The following COG4 variants were observed in gnomAD, a reference collection of about 807,000 sequenced individuals.
The protein encoded by COG4 is conserved oligomeric Golgi complex subunit 4.
In COG4, 65 loss-of-function variants were observed where a neutral mutation model predicts 95.1. The ratio of observed to expected loss-of-function variants is 0.68; its 90% CI spans 0.56 to 0.84. COG4 has a LOEUF of 0.84. Among genes scored for constraint, COG4 ranks in the 40% least tolerant of loss-of-function variants. COG4 has a pLI of 0.00. For missense variants in COG4, 1,045 were observed against 989.1 expected (o/e 1.06, Z -0.76); for synonymous variants, 421 against 374.8 (o/e 1.12, Z -1.42).
In COG4 at chr16:70,519,672, C is replaced by A; in HGVS notation, c.231G>T (p.Lys77Asn). 6.2e-7 allele frequency: 1 copy of A among 1,613,696 alleles called. No individual in the cohort carries two copies. The highest frequency in any genetic ancestry group is 2.2e-5 in the East Asian group (1 of 44,884). ...LLEQQNTIES[K>N]MVTLHRMGPN... is the part of the protein sequence containing the mutation. Reference sequence around the variant, plus strand: ...ACCCCATTCGGTGGAGAGTGACCATCTTACTTTCAATGGTGTTTTGCTGTT... The same window carrying A: ...ACCCCATTCGGTGGAGAGTGACCATATTACTTTCAATGGTGTTTTGCTGTT... The change falls in exon 2 of 19, where the codon AAG becomes AAT. Residue 77 changes from lysine (K) to asparagine (N), a missense_variant. Physicochemically the swap from Lys to Asn is moderately conservative, Grantham distance 94. Coordinates refer to ENST00000323786, the MANE Select transcript of COG4 (RefSeq NM_015386.3).
chr16:70,488,812 A>C (rs977543512), intron 13 of COG4, among the ~76,000 whole-genome samples: 10 of 152,128 alleles, frequency 6.6e-5, no homozygotes, highest in African/African-American at 2.4e-4. Context: ...CGGCCTCCCA[A>C]AGTGCTGGGA....
chr16:70,506,678 C>G (rs538190285), intron 8 of COG4, among the ~76,000 whole-genome samples: 2 of 136,656 alleles, frequency 1.5e-5, no homozygotes, highest in Non-Finnish European at 3.0e-5. Context: ...AGGAGCTACT[C>G]GGGAGGCTGA....
chr16:70,503,923 C>T (rs1350390934), intron 8 of COG4, among the ~76,000 whole-genome samples: 1 of 152,192 alleles, frequency 6.6e-6, no homozygotes, highest in East Asian at 1.9e-4. Context: ...GGTCTCAGAT[C>T]TAAGGTCATT....
At position 70,480,603 on chromosome 16, in the gene COG4, A is replaced by C. The variant is rs78726068; in HGVS notation, c.*407T>G. ...GGAGTAGCTTTATTCAGGGATCATA[A>C]ACATCACAGCCTCTCCTCAAAGTCA... On this transcript the variant is annotated 3_prime_UTR_variant, in exon 19 of 19. Transcript: ENST00000323786. The C allele has an allele frequency of 4.3e-3, 1,126 of 260,992 alleles. 18 individuals carry two copies. In the East Asian group the frequency reaches 0.058, roughly 13 times the overall value. The allele number at this position is 260,992 out of a possible 1,614,324, so 16.2% of individuals were successfully genotyped here.
rs2049466392 is a variant in COG4, at chr16:70,502,204, C to T, written c.1062-1113G>A. On this transcript the variant is annotated intron_variant, in intron 8 of 18. Transcript: ENST00000323786. The stretch of plus-strand genomic sequence containing the variant: ...GGCCAAGGCAGGAGAATCGCTTGAA[C>T]CCGGGAGGCGGAGGTTGCAGTGAGC... 2.7e-5 allele frequency among the ~76,000 whole-genome samples: 4 copies of T among 148,216 alleles called. No homozygotes were observed. The South Asian group carries it at 8.6e-4, about 32-fold the overall frequency.
chr16:70,518,863 G>C (rs1424795340), intron 2 of COG4, among the ~76,000 whole-genome samples: 1 of 151,934 alleles, frequency 6.6e-6, no homozygotes, highest in African/African-American at 2.4e-5. Flanking sequence ...TGGAATCCCA[G>C]CTACTCGAGA....
chr16:70,504,364 T>G (rs1314570064), intron 8 of COG4, among the ~76,000 whole-genome samples: 1 of 152,074 alleles, frequency 6.6e-6, no homozygotes, highest in Non-Finnish European at 1.5e-5. Flanking sequence ...CCCACTACTT[T>G]GGGAGGCTGA....
At chr16:70,522,229 A>T (rs953351416) in intron 1 of COG4, among the ~76,000 whole-genome samples, 2 of 149,114 alleles carry the variant, frequency 1.3e-5, no homozygotes, top group African/African-American at 2.5e-5. Flanking sequence ...CTCCTGACTC[A>T]GGTGATCCTC....
intron 8 of COG4, among the ~76,000 whole-genome samples, chr16:70,506,623 A>AAAAAAAC (rs2049580914): frequency 7.5e-5 from 10 of 133,162 alleles, no homozygotes; most frequent in Non-Finnish European, 1.6e-4. Flanking sequence ...AAAAACAAAA[A>AAAAAAAC]AAAAAACATT....
intron 6 of COG4, 27 bp downstream of exon 6, chr16:70,509,889 C>T (rs1314363470): frequency 6.4e-7 from 1 of 1,563,720 alleles, no homozygotes; most frequent in South Asian, 1.1e-5. Context: ...AGTCTCCAGT[C>T]TCTCTAGAGC....
intron 13 of COG4, among the ~76,000 whole-genome samples, chr16:70,485,981 C>T (rs1024323043): frequency 3.3e-5 from 5 of 151,624 alleles, no homozygotes; most frequent in African/African-American, 9.7e-5. Context: ...CTGCAAGCTC[C>T]GCCTCCTGGG....
chr16:70,521,892 G>A (rs1426197509), intron 1 of COG4, among the ~76,000 whole-genome samples: 7 of 149,580 alleles, frequency 4.7e-5, no homozygotes, highest in Non-Finnish European at 1.0e-4. Context: ...TAGTAGAGAC[G>A]GGGTTTCACT....
At chr16:70,482,551 C>A (rs1455705483) in intron 15 of COG4, 178 bp downstream of exon 15, 1 of 670,894 alleles carries the variant, frequency 1.5e-6, no homozygotes, top group Non-Finnish European at 2.7e-6. Flanking sequence ...CTTTCTGAGC[C>A]CTTCTGACTA....
At chr16:70,523,018 T>C in intron 1 of COG4, 1 of 297,404 alleles carries the variant, frequency 3.4e-6, no homozygotes, top group Non-Finnish European at 6.5e-6. Flanking sequence ...AATTTGTAAA[T>C]TAAGCCAATG....
Position 70,508,483 on chromosome 16 carries a change from A to G in COG4, c.1003-19T>C, listed in dbSNP as rs2049626376. On this transcript the variant is annotated intron_variant, in intron 7 of 18. Transcript: ENST00000323786. ...GCCGGAACTGCAACATACCACAGGA[A>G]TGAGAATATTCTTCCCCACCCCCAC... 1 of 1,611,114 alleles carries G rather than the reference A, an allele frequency of 6.2e-7. No individual in the cohort carries two copies. Among genetic ancestry groups the G allele is most frequent in the Non-Finnish European group, 8.5e-7 (1 of 1,177,360 alleles).
At chr16:70,489,268 G>T (rs1355810349) in intron 13 of COG4, among the ~76,000 whole-genome samples, 2 of 151,022 alleles carry the variant, frequency 1.3e-5, no homozygotes, top group African/African-American at 2.4e-5. Flanking sequence ...GCCCAGGCTG[G>T]AGTGCAGTGG....
chr16:70,482,881 C>T, intron 14 of COG4, 60 bp from the exon 15 acceptor site: 2 of 1,280,974 alleles, frequency 1.6e-6, no homozygotes, highest in Non-Finnish European at 1.1e-6. Context: ...CCTTCCCTCT[C>T]TCTTCTCCCC....
intron 1 of COG4, 125 bp downstream of exon 1, chr16:70,523,248 C>T (rs964824881): frequency 9.9e-6 from 12 of 1,215,424 alleles, no homozygotes; most frequent in East Asian, 2.3e-5. Context: ...CTAGCTTCCG[C>T]TTCTTTGTTT....
chr16:70,499,192 AT>A (rs542499860), intron 9 of COG4, among the ~76,000 whole-genome samples: 139 of 151,932 alleles, frequency 9.1e-4, no homozygotes, highest in South Asian at 8.1e-3. Context: ...TTTTTATTAA[AT>A]TTTTTTTTCT....
Sources: gnomAD v4.1 joint callset for allele counts (sites outside exome capture counted in the v4.1 genomes callset) on GRCh38, gnomAD v4.1.1 for gene constraint, MANE v1.5 for transcripts, NCBI Gene and HGNC (gene_info 2026-07-23, HGNC 2026-07-21) for gene names.